B3GLCT: variants seen among roughly 807,000 people sequenced by gnomAD.
B3GLCT encodes beta-1,3-glucosyltransferase.
A neutral mutation model predicts 63.4 loss-of-function variants in B3GLCT; 65 were observed. The observed-to-expected ratio is 1.03, with a 90% CI of 0.84 to 1.26. The LOEUF (loss-of-function observed/expected upper bound fraction) is 1.26. Ranked by LOEUF, B3GLCT falls within the 50% of genes most tolerant of loss-of-function variation. The probability of loss-of-function intolerance (pLI) is 0.00; values close to 1 mark genes in which losing one functional copy is unlikely to be tolerated. For missense variants in B3GLCT, 577 were observed against 604.8 expected (o/e 0.95, Z 0.48); for synonymous variants, 233 against 219.2 (o/e 1.06, Z -0.55).
chr13:31,279,808 T>C (rs1872973389), intron 10 of B3GLCT, among the ~76,000 whole-genome samples: 1 of 152,190 alleles, frequency 6.6e-6, no homozygotes, highest in African/African-American at 2.4e-5. Flanking sequence ...TTTCATCCCT[T>C]ATCAACGACC....
intron 10 of B3GLCT, among the ~76,000 whole-genome samples, chr13:31,284,013 C>A (rs867359773): frequency 2.4e-4 from 37 of 152,200 alleles, no homozygotes; most frequent in African/African-American, 8.2e-4. Flanking sequence ...ACAGAGCTAT[C>A]TTTGAGCCTC....
chr13:31,258,697 T>TG (rs775737657), intron 6 of B3GLCT, among the ~76,000 whole-genome samples: 4 of 152,246 alleles, frequency 2.6e-5, no homozygotes, highest in Non-Finnish European at 5.9e-5. Flanking sequence ...TGACTTCCCC[T>TG]GCTGCCAGCT....
In B3GLCT at chr13:31,323,764, A is replaced by G. The variant is rs1418797934; in HGVS notation, c.1198A>G (p.Arg400Gly). Residue 400 changes from arginine to glycine, a missense_variant, in exon 14 of 15, where the codon AGA (arginine) becomes GGA (glycine). Transcript: ENST00000343307. ...GGCTCCCACTAGAATGGTCTTCAGCAGAGAAGCCGTCAGGAGACTTCTCGC... is the reference window on the plus strand; with the variant it reads ...GGCTCCCACTAGAATGGTCTTCAGCGGAGAAGCCGTCAGGAGACTTCTCGC... ...ITGGGGMVFS[R>G]EAVRRLLASK... The G allele has an allele frequency of 1.9e-6, 3 of 1,614,076 alleles. No individual in the cohort carries two copies. In the African/African-American group the frequency reaches 4.0e-5, roughly 22 times the overall value.
Position 31,231,482 on chromosome 13 carries a change from C to T in B3GLCT, c.270+2188C>T, listed in dbSNP as rs115415083. 6.8e-3 allele frequency among the ~76,000 whole-genome samples: 1,038 copies of T among 152,262 alleles called. 20 individuals carry two copies. The highest frequency in any genetic ancestry group is 0.024 in the African/African-American group (984 of 41,528). On this transcript the variant is annotated intron_variant, in intron 4 of 14. Coordinates refer to ENST00000343307, the MANE Select transcript of B3GLCT (RefSeq NM_194318.4). ...ATACCAGTGGTCCTTTCCATGGATA[C>T]GAATAGCGACGCCCCTTGCCATCCA...
At chr13:31,278,269 G>GAA (rs140430867) in intron 10 of B3GLCT, among the ~76,000 whole-genome samples, 2 of 147,824 alleles carry the variant, frequency 1.4e-5, no homozygotes, top group African/African-American at 5.0e-5. Flanking sequence ...CTACAGAAAT[G>GAA]AAAAAAAAAA....
chr13:31,329,260 A>G (rs1875791511), intron 14 of B3GLCT, among the ~76,000 whole-genome samples: 1 of 152,224 alleles, frequency 6.6e-6, no homozygotes, highest in African/African-American at 2.4e-5. Flanking sequence ...CAGAGGCAAG[A>G]CTATGGAACA....
chr13:31,325,249 TTGTCCTTTAGGACTTTG>T (rs1875548889), intron 14 of B3GLCT, among the ~76,000 whole-genome samples: 1 of 152,242 alleles, frequency 6.6e-6, no homozygotes, highest in Non-Finnish European at 1.5e-5. Context: ...AGATACTTAC[TTGTCCTTTAGGACTTTG>T]AGAGGTCTTA....
At chr13:31,298,535 T>C (rs1874069196) in intron 12 of B3GLCT, among the ~76,000 whole-genome samples, 1 of 152,258 alleles carries the variant, frequency 6.6e-6, no homozygotes, top group South Asian at 2.1e-4. Context: ...TCTGTTTCTC[T>C]AAGGGTCTTT....
At chr13:31,294,626 C>G (rs1952984366) in intron 12 of B3GLCT, among the ~76,000 whole-genome samples, 1 of 152,150 alleles carries the variant, frequency 6.6e-6, no homozygotes, top group Non-Finnish European at 1.5e-5. Context: ...GTGTGCTTCA[C>G]AAAGTTCTCA....
At chr13:31,242,915 A>G (rs1487250773) in intron 4 of B3GLCT, among the ~76,000 whole-genome samples, 1 of 152,188 alleles carries the variant, frequency 6.6e-6, no homozygotes, top group East Asian at 1.9e-4. Flanking sequence ...TTATAACATC[A>G]CATATAATCT....
chr13:31,315,649 A>G (rs568521179), intron 12 of B3GLCT, among the ~76,000 whole-genome samples: 6 of 152,360 alleles, frequency 3.9e-5, no homozygotes, highest in Middle Eastern at 3.4e-3. Flanking sequence ...AGAAAACCCC[A>G]TTTTCTGGGG....
Position 31,282,740 on chromosome 13 carries a change from T to C in B3GLCT, c.851-1908T>C, listed in dbSNP as rs558353020. 2.0e-5 allele frequency among the ~76,000 whole-genome samples: 3 copies of C among 152,170 alleles called. No homozygotes were observed. The South Asian group carries it at 6.2e-4, about 32-fold the overall frequency. The stretch of plus-strand genomic sequence containing the variant: ...GTTGAATGCTTTAGGTATTGTAGAA[T>C]CATAATATCTTAGTATATCTAAATG... On this transcript the variant is annotated intron_variant, in intron 10 of 14. Transcript: ENST00000343307.
chr13:31,228,087 G>A (rs1318414427), intron 3 of B3GLCT, among the ~76,000 whole-genome samples: 3 of 152,168 alleles, frequency 2.0e-5, no homozygotes, highest in Non-Finnish European at 4.4e-5. Context: ...CTTCCTGTTC[G>A]CCGTTGTAAA....
At chr13:31,211,787 A>G (rs937911841) in intron 1 of B3GLCT, among the ~76,000 whole-genome samples, 1 of 152,252 alleles carries the variant, frequency 6.6e-6, no homozygotes, top group Non-Finnish European at 1.5e-5. Context: ...AAACAGTTAC[A>G]TCATCAAATA....
Position 31,293,109 on chromosome 13 carries a change from C to A in B3GLCT, c.1064+6290C>A, listed in dbSNP as rs561196504. ...ATTGTTCAGTTTCCATGCAGTTTTG[C>A]GGTTTTGAGTGAGTTTCTTAAATCC... On this transcript the variant is annotated intron_variant, in intron 12 of 14. Transcript: ENST00000343307. 6.6e-5 allele frequency among the ~76,000 whole-genome samples: 10 copies of A among 152,214 alleles called. No individual in the cohort carries two copies. In the East Asian group the frequency reaches 1.7e-3, roughly 26 times the overall value.
chr13:31,286,729 GA>G lies in B3GLCT; in HGVS notation c.977del (p.Lys326ArgfsTer10). ...GIPNTDRGHC[G>X]KTFAILERFL... is the part of the protein sequence containing the mutation. ...TTCTTGCCTTTTCTAGGTCATTGTGGAAAGACATTTGCCATTTTGGAAAGAT... is the reference window on the plus strand; with the variant it reads ...TTCTTGCCTTTTCTAGGTCATTGTGGAAGACATTTGCCATTTTGGAAAGAT... On this transcript the variant is annotated frameshift_variant, in exon 12 of 15. Coordinates refer to ENST00000343307, the MANE Select transcript of B3GLCT (RefSeq NM_194318.4). LOFTEE classifies it high-confidence loss of function. 6 of 1,610,576 alleles carry G rather than the reference GA, an allele frequency of 3.7e-6. No individual in the cohort carries two copies. Among genetic ancestry groups the G allele is most frequent in the Non-Finnish European group, 5.1e-6 (6 of 1,177,080 alleles).
chr13:31,277,316 CATGCAG>C (rs1872843362), intron 10 of B3GLCT, among the ~76,000 whole-genome samples: 1 of 151,758 alleles, frequency 6.6e-6, no homozygotes, highest in Non-Finnish European at 1.5e-5. Context: ...GAAATCCTGG[CATGCAG>C]ATTAATGTTG....
chr13:31,230,600 G>C (rs944157836), intron 4 of B3GLCT, among the ~76,000 whole-genome samples: 1 of 152,226 alleles, frequency 6.6e-6, no homozygotes, highest in African/African-American at 2.4e-5. Context: ...TGCAAGGCCA[G>C]GTTCTCTGGG....
chr13:31,202,654 A>C (rs1868739827), intron 1 of B3GLCT, among the ~76,000 whole-genome samples: 1 of 152,208 alleles, frequency 6.6e-6, no homozygotes, highest in South Asian at 2.1e-4. Context: ...CTAGTGCTCT[A>C]CAGAGATATC....
Sources: gnomAD v4.1 joint callset for allele counts (sites outside exome capture counted in the v4.1 genomes callset) on GRCh38, gnomAD v4.1.1 for gene constraint, MANE v1.5 for transcripts, NCBI Gene and HGNC (gene_info 2026-07-23, HGNC 2026-07-21) for gene names.